CD276: variants seen among roughly 807,000 people sequenced by gnomAD.
CD276 encodes CD276 antigen.
CD276 carries 34 observed loss-of-function variants against 50.0 expected under a neutral mutation model. That is an observed-to-expected ratio of 0.68 (90% CI 0.52 to 0.91). The LOEUF (loss-of-function observed/expected upper bound fraction) is 0.91, where lower values mean the gene tolerates loss of function less well. Ranked by LOEUF, CD276 falls within the 40% of genes least tolerant of loss-of-function variation. CD276 has a pLI of 0.00. For synonymous variants in CD276, 275 were observed against 313.0 expected (o/e 0.88, Z 1.28); for missense variants, 634 against 717.5 (o/e 0.88, Z 1.33).
At chr15:73,708,515 T>A in intron 7 of CD276, 42 bp downstream of exon 7, 2 of 1,587,692 alleles carry the variant, frequency 1.3e-6, no homozygotes, top group Non-Finnish European at 1.7e-6. Context: ...TGCACACTTA[T>A]GTGTCTTGGG....
intron 6 of CD276, among the ~76,000 whole-genome samples, chr15:73,705,192 C>T (rs1357752390): frequency 1.3e-5 from 2 of 152,184 alleles, no homozygotes; most frequent in African/African-American, 4.8e-5. Flanking sequence ...TCTGGCTCTT[C>T]AGTATCTCTC....
chr15:73,698,654 G>C (rs945194338), intron 1 of CD276, among the ~76,000 whole-genome samples: 1 of 152,136 alleles, frequency 6.6e-6, no homozygotes. Flanking sequence ...TCTGCCTCCT[G>C]GGTTCTAGCA....
intron 1 of CD276, 90 bp from the exon 2 acceptor site, chr15:73,699,496 C>T: frequency 6.7e-7 from 1 of 1,493,462 alleles, no homozygotes; most frequent in Non-Finnish European, 9.0e-7. Flanking sequence ...GCAGTTGCAG[C>T]CTTCCCCACT....
intron 8 of CD276, 131 bp downstream of exon 8, chr15:73,709,820 C>T: frequency 1.2e-6 from 1 of 823,724 alleles, no homozygotes; most frequent in Non-Finnish European, 1.9e-6. Context: ...GGACTCAGAC[C>T]TCCCCACCCC....
At chr15:73,710,130 G>C (rs749629670) in intron 8 of CD276, among the ~76,000 whole-genome samples, 2 of 152,164 alleles carry the variant, frequency 1.3e-5, no homozygotes, top group Admixed American at 1.3e-4. Context: ...AGATTCATAG[G>C]TTGTTTGAAT....
chr15:73,708,498 G>A (rs2291011), intron 7 of CD276, 25 bp downstream of exon 7: 697,931 of 1,603,352 alleles, frequency 0.44, 156,092 homozygotes, highest in Non-Finnish European at 0.46. Flanking sequence ...ATGTGTGTGC[G>A]TGCGCATGCA....
In CD276 at chr15:73,713,063, G is replaced by C. The variant is rs1046592030; in HGVS notation, c.*107G>C. On this transcript the variant is annotated 3_prime_UTR_variant, in exon 10 of 10. Coordinates refer to ENST00000318443, the MANE Select transcript of CD276 (RefSeq NM_001024736.2). ...CCAACAGATGCATCCTGCTCTGACA[G>C]GTGGGCTCCTTCTCCAAAGGATGCG... The C allele has an allele frequency of 3.0e-6, 3 of 1,008,530 alleles. No homozygotes were observed. The African/African-American group carries it at 4.9e-5, about 16-fold the overall frequency. The allele number at this position is 1,008,530 out of a possible 1,614,324, so 62.5% of individuals were successfully genotyped here. A position where few individuals can be genotyped will look rare whatever the true frequency, so the allele number is the denominator to read the frequency against.
rs776868539 is a variant in CD276 at position 73,699,547 on chromosome 15, A to G, written c.-54-39A>G. ...TGAGGCAAGAGATGGTCTGGGGAGA[A>G]CCTTTGGAGACAAAGGCCTTGCGTC... On this transcript the variant is annotated intron_variant, in intron 1 of 9. Coordinates refer to ENST00000318443, the MANE Select transcript of CD276 (RefSeq NM_001024736.2). 3 of 1,550,084 alleles carry G rather than the reference A, an allele frequency of 1.9e-6. No individual in the cohort carries two copies. In the African/African-American group the frequency reaches 4.1e-5, roughly 21 times the overall value.
Position 73,708,793 on chromosome 15 carries a change from C to T in CD276, c.1504+320C>T, listed in dbSNP as rs1238683635. On this transcript the variant is annotated intron_variant, in intron 7 of 9. Transcript: ENST00000318443. ...TGCCTGTGAAAGTGTAAGTCAGTCA[C>T]GTGTGTGTGAGAGAGCAGGCCAGAG... is the stretch of plus-strand genomic sequence containing the variant. 2.1e-5 allele frequency: 8 copies of T among 380,088 alleles called. No homozygotes were observed. In the East Asian group the frequency reaches 3.6e-4, roughly 17 times the overall value. 23.5% of individuals were successfully genotyped at this position (380,088 alleles called of 1,614,324 possible).
rs1181411886 is a variant in CD276, at chr15:73,713,144, C to T, written c.*188C>T. 1 of 560,756 alleles carries T rather than the reference C, an allele frequency of 1.8e-6. No individual in the cohort carries two copies. Among genetic ancestry groups the T allele is most frequent in the African/African-American group, 1.9e-5 (1 of 52,732 alleles). 34.7% of individuals were successfully genotyped at this position (560,756 alleles called of 1,614,324 possible). Reference sequence around the variant, plus strand: ...CCAATGGACATGATTCCCAAGTCATCCTGCTGCCTTTTTTCTTATAGACAC... The same window carrying T: ...CCAATGGACATGATTCCCAAGTCATTCTGCTGCCTTTTTTCTTATAGACAC... On this transcript the variant is annotated 3_prime_UTR_variant, in exon 10 of 10. Transcript: ENST00000318443.
At position 73,699,834 on chromosome 15, in the gene CD276, C is replaced by A. The variant is rs951723830; in HGVS notation, c.79+116C>A. ...GCCAGCTCTGGCTAGCAGGGCCATA[C>A]CTTACTTCCACCTGTGGGATCCAGT... On this transcript the variant is annotated intron_variant, in intron 2 of 9. Coordinates refer to ENST00000318443, the MANE Select transcript of CD276 (RefSeq NM_001024736.2). 2.4e-6 allele frequency: 3 copies of A among 1,236,356 alleles called. No individual in the cohort carries two copies. In the African/African-American group the frequency reaches 4.6e-5, roughly 19 times the overall value. The allele number at this position is 1,236,356 out of a possible 1,614,324, so 76.6% of individuals were successfully genotyped here.
intron 1 of CD276, among the ~76,000 whole-genome samples, chr15:73,685,484 TGTGTGTG>T (rs1899718534): frequency 7.8e-6 from 1 of 128,810 alleles, no homozygotes; most frequent in East Asian, 2.4e-4. Flanking sequence ...TGTGTGTGTG[TGTGTGTG>T]TGTGGCGGGT....
chr15:73,693,612 T>C (rs1478048112), intron 1 of CD276, among the ~76,000 whole-genome samples: 1 of 152,130 alleles, frequency 6.6e-6, no homozygotes, highest in African/African-American at 2.4e-5. Context: ...TTTGATAGTC[T>C]GTTATTTTGG....
At chr15:73,686,345 T>A in intron 1 of CD276, 3 of 972,834 alleles carry the variant, frequency 3.1e-6, no homozygotes, top group Non-Finnish European at 3.7e-6. Flanking sequence ...TGAGAAGGGG[T>A]GTTGGAATCT....
rs748243761 is a variant in CD276, at chr15:73,704,152, A to G, written c.1073-24A>G. On this transcript the variant is annotated intron_variant, in intron 5 of 9. Coordinates refer to ENST00000318443, the MANE Select transcript of CD276 (RefSeq NM_001024736.2). The surrounding 1 kb of genome is among the most constrained non-coding windows in gnomAD (Gnocchi z 4.1). ...CTCCCCTGCCATTGCCCTGCCCTTG[A>G]CCCCTGCCCTCTGTCACCTCCAGCT... is the stretch of plus-strand genomic sequence containing the variant. 6.2e-7 allele frequency: 1 copy of G among 1,602,474 alleles called. No homozygotes were observed. The highest frequency in any genetic ancestry group is 8.5e-7 in the Non-Finnish European group (1 of 1,173,840).
intron 1 of CD276, among the ~76,000 whole-genome samples, chr15:73,690,469 A>G (rs1402340860): frequency 6.6e-6 from 1 of 152,198 alleles, no homozygotes; most frequent in Non-Finnish European, 1.5e-5. Flanking sequence ...TAAAGAAAAA[A>G]AGGTTATTTG....
intron 1 of CD276, among the ~76,000 whole-genome samples, chr15:73,690,051 C>T (rs1475521892): frequency 1.3e-5 from 2 of 152,222 alleles, no homozygotes; most frequent in Admixed American, 1.3e-4. Flanking sequence ...AGCAAACTCT[C>T]ACCCTTATTC....
chr15:73,705,242 C>A (rs189706409), intron 6 of CD276, among the ~76,000 whole-genome samples: 9 of 152,320 alleles, frequency 5.9e-5, no homozygotes, highest in Admixed American at 3.9e-4. Flanking sequence ...CGCCCTGGTG[C>A]ACAGTGAGGT....
chr15:73,696,309 GCGTGGCTCCA>G (rs1274156891), intron 1 of CD276, among the ~76,000 whole-genome samples: 1 of 152,092 alleles, frequency 6.6e-6, no homozygotes, highest in Non-Finnish European at 1.5e-5. Context: ...CATGAGGCCT[GCGTGGCTCCA>G]CGTGGCTCTG....
Sources: gnomAD v4.1 joint callset for allele counts (sites outside exome capture counted in the v4.1 genomes callset) on GRCh38, gnomAD v4.1.1 for gene constraint, Gnocchi (gnomAD v3.1) non-coding constraint, MANE v1.5 for transcripts, NCBI Gene and HGNC (gene_info 2026-07-23, HGNC 2026-07-21) for gene names.